The following SDC2 variants were observed in gnomAD, a reference collection of about 807,000 sequenced individuals.
SDC2 encodes syndecan-2.
A neutral mutation model predicts 22.2 loss-of-function variants in SDC2; 13 were observed. The ratio of observed to expected loss-of-function variants is 0.59; its 90% confidence interval spans 0.38 to 0.93. SDC2 has a LOEUF of 0.93. Among genes scored for constraint, SDC2 ranks in the 40% least tolerant of loss-of-function variants. The pLI is 0.00. For missense variants in SDC2, 235 were observed against 246.8 expected (o/e 0.95, Z 0.32); for synonymous variants, 94 against 92.8 (o/e 1.01, Z -0.07).
intron 1 of SDC2, among the ~76,000 whole-genome samples, chr8:96,559,932 A>G (rs1252687946): frequency 2.6e-5 from 4 of 152,222 alleles, no homozygotes; most frequent in African/African-American, 4.8e-5. Flanking sequence ...ATGACAAAAT[A>G]TCAATAATTC....
chr8:96,504,574 A>G (rs1813210731), intron 1 of SDC2, among the ~76,000 whole-genome samples: 1 of 152,232 alleles, frequency 6.6e-6, no homozygotes, highest in African/African-American at 2.4e-5. Flanking sequence ...AGCCTCAATA[A>G]TGACTAAAAT....
intron 2 of SDC2, among the ~76,000 whole-genome samples, chr8:96,595,454 G>A (rs1418358985): frequency 6.6e-6 from 1 of 151,112 alleles, no homozygotes; most frequent in African/African-American, 2.4e-5. Context: ...GGTGTGAAAA[G>A]AGTTGTTCTT....
intron 1 of SDC2, among the ~76,000 whole-genome samples, chr8:96,525,173 T>A (rs535516422): frequency 6.6e-6 from 1 of 152,234 alleles, no homozygotes; most frequent in African/African-American, 2.4e-5. Flanking sequence ...TTCAAGGCTG[T>A]CCGTTCCCAC....
At chr8:96,584,368 G>A (rs937983602) in intron 1 of SDC2, among the ~76,000 whole-genome samples, 2 of 152,236 alleles carry the variant, frequency 1.3e-5, no homozygotes, top group African/African-American at 4.8e-5. Context: ...GAGAATATAT[G>A]TGGTTATGCC....
At chr8:96,584,291 C>T (rs1814645108) in intron 1 of SDC2, among the ~76,000 whole-genome samples, 1 of 152,240 alleles carries the variant, frequency 6.6e-6, no homozygotes, top group African/African-American at 2.4e-5. Context: ...CCTTTGGCCC[C>T]AAGGTCTTTC....
chr8:96,604,294 C>A (rs1353554117), intron 3 of SDC2, among the ~76,000 whole-genome samples: 1 of 152,098 alleles, frequency 6.6e-6, no homozygotes, highest in Non-Finnish European at 1.5e-5. Flanking sequence ...GTAATTGCAT[C>A]AGATCGAGAT....
chr8:96,562,863 G>C (rs1359240252), intron 1 of SDC2, among the ~76,000 whole-genome samples: 3 of 152,088 alleles, frequency 2.0e-5, no homozygotes, highest in Non-Finnish European at 4.4e-5. Flanking sequence ...GTGGAGCCAA[G>C]GTGAATTTAG....
In SDC2 at chr8:96,494,345, G is replaced by T; in HGVS notation, c.60+14G>T. On this transcript the variant is annotated intron_variant, in intron 1 of 4. Transcript: ENST00000302190. ...TCGGCGGAGTCGGTGAGTGGGCCAG[G>T]CGGAGGATGCGCGCGCCGTTTAGGG... is the stretch of plus-strand genomic sequence containing the variant. 6.5e-7 allele frequency: 1 copy of T among 1,538,998 alleles called. No homozygotes were observed.
intron 1 of SDC2, among the ~76,000 whole-genome samples, chr8:96,543,853 A>G (rs563803309): frequency 6.6e-6 from 1 of 152,238 alleles, no homozygotes; most frequent in Non-Finnish European, 1.5e-5. Flanking sequence ...ATAATTTTTC[A>G]AAGTTATCTG....
intron 1 of SDC2, chr8:96,584,795 G>A (rs1315322355): frequency 6.6e-6 from 1 of 152,206 alleles, no homozygotes; most frequent in East Asian, 1.9e-4. Flanking sequence ...TTCCAAAAAA[G>A]GAAGAAAGCT....
At chr8:96,587,026 G>A (rs1013091004) in intron 1 of SDC2, among the ~76,000 whole-genome samples, 1 of 152,108 alleles carries the variant, frequency 6.6e-6, no homozygotes, top group African/African-American at 2.4e-5. Context: ...GGGTTCAAGC[G>A]ATTCTCCTGC....
intron 2 of SDC2, among the ~76,000 whole-genome samples, chr8:96,597,824 A>G (rs1814905181): frequency 6.6e-6 from 1 of 152,236 alleles, no homozygotes; most frequent in Non-Finnish European, 1.5e-5. Flanking sequence ...GCACCATTCT[A>G]GGTTCTAGGG....
intron 3 of SDC2, among the ~76,000 whole-genome samples, 182 bp downstream of exon 3, chr8:96,602,710 C>G (rs527634625): frequency 2.2e-4 from 33 of 152,196 alleles, no homozygotes; most frequent in Non-Finnish European, 4.1e-4. Flanking sequence ...AAATGGTCTT[C>G]AGGTGGTGTT....
intron 3 of SDC2, among the ~76,000 whole-genome samples, chr8:96,604,445 A>G (rs946516275): frequency 1.3e-5 from 2 of 152,238 alleles, no homozygotes; most frequent in Non-Finnish European, 2.9e-5. Flanking sequence ...GTTGAGTGCT[A>G]TTCATTATGT....
intron 1 of SDC2, among the ~76,000 whole-genome samples, chr8:96,519,595 A>G (rs767429894): frequency 6.6e-6 from 1 of 152,116 alleles, no homozygotes; most frequent in Non-Finnish European, 1.5e-5. Context: ...TCCTAAATTT[A>G]CACTTAAGTG....
At chr8:96,579,464 T>G (rs75914951) in intron 1 of SDC2, among the ~76,000 whole-genome samples, 12,772 of 152,322 alleles carry the variant, frequency 0.084, 633 homozygotes, top group East Asian at 0.21. Context: ...TCTACCATAA[T>G]TCCTGTGAAA....
chr8:96,595,248 CAG>C, intron 2 of SDC2, among the ~76,000 whole-genome samples: 1 of 152,252 alleles, frequency 6.6e-6, no homozygotes, highest in East Asian at 1.9e-4. Flanking sequence ...TGACCCAGAA[CAG>C]ATTAAAATCA....
intron 1 of SDC2, among the ~76,000 whole-genome samples, chr8:96,544,979 A>T (rs1813908805): frequency 6.6e-6 from 1 of 152,200 alleles, no homozygotes; most frequent in Non-Finnish European, 1.5e-5. Context: ...TTAGAATGCT[A>T]CTGTGAAGAA....
intron 1 of SDC2, among the ~76,000 whole-genome samples, chr8:96,536,630 G>A (rs2130500507): frequency 6.6e-6 from 1 of 152,302 alleles, no homozygotes; most frequent in East Asian, 1.9e-4. Context: ...TACCTTTTAG[G>A]TGGATTGTCA....
Sources: gnomAD v4.1 joint callset for allele counts (sites outside exome capture counted in the v4.1 genomes callset) on GRCh38, gnomAD v4.1.1 for gene constraint, MANE v1.5 for transcripts, NCBI Gene and HGNC (gene_info 2026-07-23, HGNC 2026-07-21) for gene names.